GUSB: variants seen among roughly 807,000 people sequenced by gnomAD.
GUSB encodes the protein glucuronidase beta.
GUSB carries 51 observed loss-of-function variants against 74.6 expected under a neutral mutation model. The observed-to-expected ratio is 0.68, with a 90% CI of 0.55 to 0.86. The LOEUF (loss-of-function observed/expected upper bound fraction) is 0.86, where lower values mean the gene tolerates loss of function less well. GUSB is among the 40% of genes least tolerant of loss of function. The pLI is 0.00. For missense variants in GUSB, 736 were observed against 853.7 expected (o/e 0.86, Z 1.72); for synonymous variants, 360 against 348.3 (o/e 1.03, Z -0.37).
intron 4 of GUSB, among the ~76,000 whole-genome samples, chr7:65,976,855 T>C (rs903455934): frequency 7.2e-5 from 11 of 151,822 alleles, no homozygotes; most frequent in Admixed American, 2.6e-4. Flanking sequence ...AGTGGGAGGA[T>C]TGCTTGAGCC....
rs1791695835 is a variant in GUSB at position 65,977,921 on chromosome 7, C to T, written c.724+1478G>A. On this transcript the variant is annotated intron_variant, in intron 4 of 11. Transcript: ENST00000304895. ...TGCCTCCCAGGTTCACGCCATTCTC[C>T]TGCCTCAGCCTCCCGAGTCGCTGGG... is the stretch of plus-strand genomic sequence containing the variant. Among the ~76,000 whole-genome samples, 4 of 152,098 alleles carry T rather than the reference C, an allele frequency of 2.6e-5. No individual in the cohort carries two copies. In the South Asian group the frequency reaches 8.3e-4, roughly 31 times the overall value.
chr7:65,970,298 T>C lies in GUSB; in HGVS notation c.1460A>G (p.Tyr487Cys). The C allele has an allele frequency of 6.2e-7, 1 of 1,611,754 alleles. No individual in the cohort carries two copies. The highest frequency in any genetic ancestry group is 8.5e-7 in the Non-Finnish European group (1 of 1,178,214). Residue 487 changes from tyrosine to cysteine, a missense_variant, in exon 9 of 12, where the codon TAT becomes TGT. Physicochemically the swap from Tyr to Cys is radical, Grantham distance 194 (BLOSUM62 -2). Around this residue, in one of 2 missense-constraint regions of GUSB, gnomAD observed 368 missense variants for 489.9 expected, o/e 0.75. Transcript: ENST00000304895. ...CAGGCTCACCCCCTTGTCTGCTGCA[T>C]AGTTAGAGTTGCTCACAAAGGTCAC... ...RPVTFVSNSN[Y>C]AADKGAPYVD...
Position 65,975,110 on chromosome 7 carries a change from G to A in GUSB, c.913-39C>T, listed in dbSNP as rs750764418. 4.4e-6 allele frequency: 7 copies of A among 1,604,850 alleles called. No individual in the cohort carries two copies. In the East Asian group the frequency reaches 1.3e-4, roughly 31 times the overall value. ...AGCACCAGGTGTGAGCACCCCGACA[G>A]CCTGAGCCCCATCCGGCCTGCCCTC... On this transcript the variant is annotated intron_variant, in intron 5 of 11. Transcript: ENST00000304895.
At chr7:65,966,737 T>C (rs972891890) in intron 10 of GUSB, among the ~76,000 whole-genome samples, 2 of 151,660 alleles carry the variant, frequency 1.3e-5, no homozygotes, top group Non-Finnish European at 2.9e-5. Context: ...TGAGCTATGA[T>C]GACACCACTG....
In GUSB at chr7:65,974,460, G is replaced by A. The variant is rs995961802; in HGVS notation, c.1245-19C>T. 2 of 1,614,182 alleles carry A rather than the reference G, an allele frequency of 1.2e-6. No homozygotes were observed. The highest frequency in any genetic ancestry group is 2.2e-5 in the South Asian group (2 of 91,082). ...GAACTGCCTGCGGGCCAGGAGGGAA[G>A]GGACAGAGGGTCACGGTGACGCCCC... On this transcript the variant is annotated intron_variant, in intron 7 of 11. Coordinates refer to ENST00000304895, the MANE Select transcript of GUSB (RefSeq NM_000181.4).
intron 11 of GUSB, among the ~76,000 whole-genome samples, chr7:65,963,729 A>G (rs577805780): frequency 3.3e-5 from 5 of 152,198 alleles, no homozygotes; most frequent in East Asian, 3.9e-4. Context: ...TATTTTTTGT[A>G]GAGATGGGGT....
At position 65,961,145 on chromosome 7, in the gene GUSB, G is replaced by A. The variant is rs1361272462; in HGVS notation, c.1790-82C>T. 15 of 1,313,914 alleles carry A rather than the reference G, an allele frequency of 1.1e-5. No homozygotes were observed. In the Admixed American group the frequency reaches 2.7e-4, roughly 24 times the overall value. 81.4% of individuals were successfully genotyped at this position (1,313,914 alleles called of 1,614,324 possible). ...TAGAACCAGTCTGGAGCTAAGGTAG[G>A]CACTAAATAGAAATGTCTTTTTTTT... is the stretch of plus-strand genomic sequence containing the variant. On this transcript the variant is annotated intron_variant, in intron 11 of 11. Transcript: ENST00000304895.
In GUSB at chr7:65,974,723, A is replaced by G. The variant is rs755534785; in HGVS notation, c.1066-19T>C. 1 of 1,611,964 alleles carries G rather than the reference A, an allele frequency of 6.2e-7. No individual in the cohort carries two copies. Among genetic ancestry groups the G allele is most frequent in the East Asian group, 2.2e-5 (1 of 44,874 alleles). ...CTCGGATCTAGGAGATAGCAGAGCCAAGTGACCCCTGTCCCTGTCGAAGCT... is the reference window on the plus strand; with the variant it reads ...CTCGGATCTAGGAGATAGCAGAGCCGAGTGACCCCTGTCCCTGTCGAAGCT... On this transcript the variant is annotated intron_variant, in intron 6 of 11. Transcript: ENST00000304895.
intron 10 of GUSB, 60 bp downstream of exon 10, chr7:65,967,671 G>A: frequency 1.5e-6 from 2 of 1,366,704 alleles, no homozygotes; most frequent in South Asian, 2.3e-5. Flanking sequence ...CAGGCTGGAG[G>A]AGGTGAGTGA....
rs1324117131 is a variant in GUSB at position 65,979,785 on chromosome 7, T to C, written c.523A>G (p.Thr175Ala). ...GGTGGCAGGGTGGTGGGGGTGAGTG[T>C]GTTGTTGATGGCGATAGTGATTCGG... The part of the protein sequence containing the change: ...RLRITIAINN[T>A]LTPTTLPPGT... Residue 175 changes from threonine to alanine, a missense_variant, in exon 3 of 12, where the codon ACA becomes GCA. Thr to Ala is a moderately conservative substitution (Grantham distance 58). This residue lies in a region of GUSB where 368 missense variants were observed against 363.8 expected (regional missense o/e 1.01). Coordinates refer to ENST00000304895, the MANE Select transcript of GUSB (RefSeq NM_000181.4). 1.9e-6 allele frequency: 3 copies of C among 1,613,608 alleles called. No individual in the cohort carries two copies. Among genetic ancestry groups the C allele is most frequent in the Middle Eastern group, 1.6e-4 (1 of 6,062 alleles).
chr7:65,970,193 A>G, intron 9 of GUSB, 89 bp downstream of exon 9: 1 of 806,098 alleles, frequency 1.2e-6, no homozygotes, highest in Non-Finnish European at 2.2e-6. Flanking sequence ...CTGGCAGCGC[A>G]TGGTTCTTCC....
intron 9 of GUSB, among the ~76,000 whole-genome samples, chr7:65,968,230 CAAAAAAA>C (rs60554800): frequency 0.36 from 43,953 of 123,582 alleles, 7,959 homozygotes; most frequent in East Asian, 0.49. Context: ...CCATTTCTAC[CAAAAAAA>C]AAAAAAAAAA....
chr7:65,973,053 A>G (rs1214238816), intron 8 of GUSB, among the ~76,000 whole-genome samples: 4 of 152,224 alleles, frequency 2.6e-5, no homozygotes, highest in African/African-American at 7.2e-5. Context: ...AAAGGGGGCC[A>G]GGTGTGGTGG....
At chr7:65,965,429 T>A (rs1439868249) in intron 10 of GUSB, among the ~76,000 whole-genome samples, 1 of 152,136 alleles carries the variant, frequency 6.6e-6, no homozygotes, top group Admixed American at 6.5e-5. Context: ...CTAAATCAAT[T>A]CAGTTATCCT....
chr7:65,981,818 G>A, intron 1 of GUSB, 156 bp downstream of exon 1: 3 of 635,614 alleles, frequency 4.7e-6, no homozygotes, highest in South Asian at 2.1e-5. Flanking sequence ...CTGTTCCCCC[G>A]TCCCCCAAGC....
At chr7:65,961,195 C>G (rs1790473556) in intron 11 of GUSB, 132 bp from the exon 12 acceptor site, 2 of 887,854 alleles carry the variant, frequency 2.3e-6, no homozygotes, top group Admixed American at 4.3e-5. Flanking sequence ...GTTGCCCAGG[C>G]TGGAATGCGG....
At chr7:65,980,677 G>A (rs963534704) in intron 1 of GUSB, 1 of 508,598 alleles carries the variant, frequency 2.0e-6, no homozygotes, top group South Asian at 2.0e-5. Context: ...CCCAGCCAGA[G>A]GCAAGAAGGT....
chr7:65,978,138 A>C (rs895372805), intron 4 of GUSB, among the ~76,000 whole-genome samples: 1 of 152,316 alleles, frequency 6.6e-6, no homozygotes, highest in Non-Finnish European at 1.5e-5. Flanking sequence ...AAAAAGAAAA[A>C]AAACTTAAAA....
At chr7:65,964,539 T>G in intron 10 of GUSB, 81 bp from the exon 11 acceptor site, 1 of 1,333,176 alleles carries the variant, frequency 7.5e-7, no homozygotes, top group South Asian at 1.2e-5. Context: ...ATCCACTTGA[T>G]GGTGACCAAA....
Sources: allele counts gnomAD v4.1 joint callset (sites outside exome capture counted in the v4.1 genomes callset), GRCh38; gene constraint gnomAD v4.1.1; regional missense constraint gnomAD v4.1.1; transcripts MANE v1.5; gene names NCBI Gene and HGNC (gene_info 2026-07-23, HGNC 2026-07-21).